PDSS2: variants seen among roughly 807,000 people sequenced by gnomAD.
PDSS2 encodes the protein decaprenyl diphosphate synthase subunit 2.
Under a neutral mutation model 44.5 loss-of-function variants are expected in PDSS2, and 31 were observed. The ratio of observed to expected loss-of-function variants is 0.70; its 90% CI spans 0.52 to 0.94. The LOEUF is 0.94. Among genes scored for constraint, PDSS2 ranks in the 40% least tolerant of loss-of-function variants. The probability of loss-of-function intolerance (pLI) is 0.00; values close to 1 mark genes in which losing one functional copy is unlikely to be tolerated. For synonymous variants in PDSS2, 157 were observed against 180.3 expected (o/e 0.87, Z 1.03); for missense variants, 452 against 482.2 (o/e 0.94, Z 0.59).
At chr6:107,206,521 G>T (rs1033078978) in intron 6 of PDSS2, among the ~76,000 whole-genome samples, 1 of 152,202 alleles carries the variant, frequency 6.6e-6, no homozygotes, top group Non-Finnish European at 1.5e-5. Flanking sequence ...GGATATGAGA[G>T]AATGTGATTA....
At chr6:107,429,293 C>G (rs909638508) in intron 1 of PDSS2, among the ~76,000 whole-genome samples, 3 of 152,140 alleles carry the variant, frequency 2.0e-5, no homozygotes, top group Non-Finnish European at 4.4e-5. Context: ...AAGCCATGCA[C>G]AAGCTAAACT....
At position 107,212,221 on chromosome 6, in the gene PDSS2, T is replaced by C. The variant is rs1455513843; in HGVS notation, c.764A>G (p.His255Arg). 1 of 1,613,832 alleles carries C rather than the reference T, an allele frequency of 6.2e-7. No homozygotes were observed. Among genetic ancestry groups the C allele is most frequent in the East Asian group, 2.2e-5 (1 of 44,868 alleles). The stretch of plus-strand genomic sequence containing the variant: ...GCAGCTCTTTGCTAGTAAGGCACCA[T>C]GGGAGAGAAAAGTCTGCTCCTTCCA... ...STWKEQTFLSHGALLAKSCQA... is the reference protein window; with the variant it reads ...STWKEQTFLSRGALLAKSCQA... The change falls in exon 5 of 8, where the codon CAT becomes CGT. Residue 255 changes from histidine (H) to arginine (R), a missense_variant. Physicochemically the swap from His to Arg is conservative, Grantham distance 29. Coordinates refer to ENST00000369037, the MANE Select transcript of PDSS2 (RefSeq NM_020381.4).
intron 1 of PDSS2, among the ~76,000 whole-genome samples, chr6:107,413,517 G>A (rs1027802272): frequency 6.6e-6 from 1 of 152,204 alleles, no homozygotes; most frequent in African/African-American, 2.4e-5. Context: ...CCTGGTGACA[G>A]AGCAATGGAT....
intron 1 of PDSS2, among the ~76,000 whole-genome samples, chr6:107,395,010 T>C (rs1779896509): frequency 6.6e-6 from 1 of 152,204 alleles, no homozygotes; most frequent in Admixed American, 6.5e-5. Flanking sequence ...TCTTTCAGCT[T>C]TGATTTGTCA....
chr6:107,419,922 G>A (rs1328802632), intron 1 of PDSS2, among the ~76,000 whole-genome samples: 1 of 152,218 alleles, frequency 6.6e-6, no homozygotes, highest in Non-Finnish European at 1.5e-5. Context: ...CACATGTAGT[G>A]TATAAGGCAT....
chr6:107,223,760 C>T (rs1773694713), intron 4 of PDSS2, among the ~76,000 whole-genome samples: 1 of 139,236 alleles, frequency 7.2e-6, no homozygotes, highest in African/African-American at 2.6e-5. Context: ...ATGTACCCGC[C>T]CCCGACCCCG....
intron 4 of PDSS2, among the ~76,000 whole-genome samples, chr6:107,222,652 CAAAAAAAAA>C (rs567984860): frequency 1.9e-5 from 1 of 53,534 alleles, no homozygotes; most frequent in Admixed American, 2.1e-4. Flanking sequence ...AAGACTGTCT[CAAAAAAAAA>C]AAAAAAAAAG....
chr6:107,416,189 C>T (rs886600243), intron 1 of PDSS2, among the ~76,000 whole-genome samples: 11 of 151,940 alleles, frequency 7.2e-5, no homozygotes, highest in African/African-American at 1.9e-4. Flanking sequence ...ACTCTGTTCC[C>T]AGGCATGTGT....
chr6:107,179,046 G>A (rs1771885541), intron 7 of PDSS2, among the ~76,000 whole-genome samples: 1 of 152,156 alleles, frequency 6.6e-6, no homozygotes, highest in Non-Finnish European at 1.5e-5. Context: ...AACAGTGTAC[G>A]CTGCAAAGCA....
chr6:107,366,492 A>G (rs1778964212), intron 1 of PDSS2, among the ~76,000 whole-genome samples: 1 of 152,028 alleles, frequency 6.6e-6, no homozygotes, highest in Non-Finnish European at 1.5e-5. Context: ...AGCAAGCAGA[A>G]AAAAAGAAAA....
chr6:107,416,795 C>G (rs553511656), intron 1 of PDSS2, among the ~76,000 whole-genome samples: 1 of 151,740 alleles, frequency 6.6e-6, no homozygotes, highest in South Asian at 2.1e-4. Flanking sequence ...AAGGCAGAGA[C>G]TAAACCATTA....
At chr6:107,322,669 A>G (rs1777417313) in intron 2 of PDSS2, among the ~76,000 whole-genome samples, 1 of 152,036 alleles carries the variant, frequency 6.6e-6, no homozygotes, top group South Asian at 2.1e-4. Context: ...CATGGCAAAA[A>G]CACCTCTCTA....
chr6:107,434,287 A>C (rs1279716351), intron 1 of PDSS2, among the ~76,000 whole-genome samples: 1 of 152,222 alleles, frequency 6.6e-6, no homozygotes, highest in African/African-American at 2.4e-5. Flanking sequence ...CAGTATACTG[A>C]AGAGATAGCT....
intron 4 of PDSS2, among the ~76,000 whole-genome samples, chr6:107,241,622 A>G (rs1475679803): frequency 6.6e-6 from 1 of 152,160 alleles, no homozygotes; most frequent in East Asian, 1.9e-4. Context: ...CTGGGATTAC[A>G]GGCGTAAGCC....
At chr6:107,179,964 G>A (rs1234917277) in intron 7 of PDSS2, among the ~76,000 whole-genome samples, 1 of 152,160 alleles carries the variant, frequency 6.6e-6, no homozygotes, top group Non-Finnish European at 1.5e-5. Flanking sequence ...GTGTATGACT[G>A]TGGAAATATG....
chr6:107,179,522 G>A (rs938012291), intron 7 of PDSS2, among the ~76,000 whole-genome samples: 5 of 59,878 alleles, frequency 8.4e-5, no homozygotes, highest in Admixed American at 2.6e-4. Context: ...CTCGTGATTC[G>A]CCCGCCTCGG....
intron 1 of PDSS2, among the ~76,000 whole-genome samples, chr6:107,430,602 G>A (rs978307197): frequency 1.3e-5 from 2 of 152,114 alleles, no homozygotes; most frequent in African/African-American, 4.8e-5. Context: ...CTGAGGTCAG[G>A]AGTTCCAGAC....
At chr6:107,267,573 C>T (rs1032937481) in intron 3 of PDSS2, among the ~76,000 whole-genome samples, 1 of 149,468 alleles carries the variant, frequency 6.7e-6, no homozygotes, top group East Asian at 2.0e-4. Flanking sequence ...TGGAGAGAGA[C>T]ATCAGATTCT....
At chr6:107,249,442 G>C (rs1408764254) in intron 3 of PDSS2, among the ~76,000 whole-genome samples, 2 of 152,158 alleles carry the variant, frequency 1.3e-5, no homozygotes, top group Non-Finnish European at 2.9e-5. Flanking sequence ...ACACTGACTT[G>C]CTGCATCCTG....
Sources: gnomAD v4.1 joint callset for allele counts (sites outside exome capture counted in the v4.1 genomes callset) on GRCh38, gnomAD v4.1.1 for gene constraint, MANE v1.5 for transcripts, NCBI Gene and HGNC (gene_info 2026-07-23, HGNC 2026-07-21) for gene names.